Variants in GAS7 observed in about 807,000 individuals in gnomAD.
GAS7 encodes the protein growth arrest-specific protein 7.
GAS7 carries 28 observed loss-of-function variants against 71.1 expected under a neutral mutation model. That is an observed-to-expected ratio of 0.39 (90% CI 0.29 to 0.54). The LOEUF is 0.54. Ranked by LOEUF, GAS7 falls within the 20% of genes least tolerant of loss-of-function variation. GAS7 has a pLI of 0.62. For synonymous variants in GAS7, 258 were observed against 245.8 expected (o/e 1.05, Z -0.46); for missense variants, 436 against 627.8 (o/e 0.69, Z 3.27).
intron 1 of GAS7, among the ~76,000 whole-genome samples, chr17:10,139,963 T>C (rs1567607464): frequency 6.6e-6 from 1 of 152,174 alleles, no homozygotes; most frequent in East Asian, 1.9e-4. Context: ...ACCCACACTA[T>C]CAAAGTCAAA....
intron 1 of GAS7, among the ~76,000 whole-genome samples, chr17:10,087,405 T>G (rs1194417012): frequency 6.6e-6 from 1 of 152,176 alleles, no homozygotes; most frequent in African/African-American, 2.4e-5. Context: ...GTGTCCCAGG[T>G]GGACGATGAG....
intron 1 of GAS7, among the ~76,000 whole-genome samples, chr17:10,072,207 C>A (rs1259352450): frequency 1.3e-5 from 2 of 152,260 alleles, no homozygotes; most frequent in East Asian, 3.9e-4. Context: ...CCTGAGGAAG[C>A]ACCTCTACCT....
intron 4 of GAS7, among the ~76,000 whole-genome samples, chr17:9,965,976 C>T (rs148608459): frequency 0.012 from 1,799 of 151,256 alleles, 23 homozygotes; most frequent in East Asian, 0.032. Flanking sequence ...CCCCATCCCC[C>T]GACACCCACC....
intron 9 of GAS7, among the ~76,000 whole-genome samples, chr17:9,933,269 T>TA (rs1298352142): frequency 1.3e-5 from 2 of 151,996 alleles, no homozygotes; most frequent in East Asian, 1.9e-4. Context: ...ACCACAAATT[T>TA]AAAAAAAATT....
chr17:10,111,391 G>A (rs2073810956), intron 1 of GAS7, among the ~76,000 whole-genome samples: 1 of 151,994 alleles, frequency 6.6e-6, no homozygotes. Flanking sequence ...ATAATAGCCA[G>A]GCGTGGTGTC....
intron 1 of GAS7, among the ~76,000 whole-genome samples, chr17:10,165,734 G>C (rs2074289222): frequency 6.6e-6 from 1 of 152,060 alleles, no homozygotes; most frequent in Admixed American, 6.5e-5. Flanking sequence ...CCCTACTCCA[G>C]CCTCCCACCC....
chr17:9,922,913 T>G (rs909323521), intron 11 of GAS7, among the ~76,000 whole-genome samples: 1 of 152,190 alleles, frequency 6.6e-6, no homozygotes, highest in Non-Finnish European at 1.5e-5. Context: ...GTTTGTTTGT[T>G]TGTTTTGTTT....
At chr17:9,949,401 C>T (rs896969418) in intron 5 of GAS7, among the ~76,000 whole-genome samples, 2 of 152,174 alleles carry the variant, frequency 1.3e-5, no homozygotes, top group African/African-American at 4.8e-5. Context: ...ATAATAAACA[C>T]AATAACACCA....
chr17:10,198,340 G>A lies in GAS7; in HGVS notation c.51C>T (p.His17=), dbSNP rs752069937. 131 of 1,599,366 alleles carry A rather than the reference G, an allele frequency of 8.2e-5. No individual in the cohort carries two copies. Among genetic ancestry groups the A allele is most frequent in the Non-Finnish European group, 1.1e-4 (129 of 1,178,820 alleles). Reference sequence around the variant, plus strand: ...CCGCGGCGAAGCGCAGCCCCTGGCCGTGCCGCTCCCCGGAGAAGGGGTACA... The same window carrying A: ...CCGCGGCGAAGCGCAGCCCCTGGCCATGCCGCTCCCCGGAGAAGGGGTACA... ...RTLYPFSGER[H]GQGLRFAAGE... is the part of the protein sequence containing the mutation. Residue 17 remains histidine (H), a synonymous_variant, in exon 1 of 14, where the codon CAC becomes CAT. Transcript: ENST00000432992.
intron 7 of GAS7, among the ~76,000 whole-genome samples, chr17:9,941,694 G>A (rs2068608485): frequency 6.6e-6 from 1 of 152,244 alleles, no homozygotes; most frequent in African/African-American, 2.4e-5. Flanking sequence ...GCGTGTTCAA[G>A]CTTTGGCTTT....
intron 1 of GAS7, among the ~76,000 whole-genome samples, chr17:10,116,607 G>C (rs189761018): frequency 6.6e-6 from 1 of 152,148 alleles, no homozygotes; most frequent in Non-Finnish European, 1.5e-5. Context: ...TAGGGAGTGG[G>C]TCTGAAGTGG....
At chr17:10,010,709 C>T (rs888977547) in intron 2 of GAS7, among the ~76,000 whole-genome samples, 3 of 152,208 alleles carry the variant, frequency 2.0e-5, no homozygotes, top group African/African-American at 7.2e-5. Flanking sequence ...CGTTAGCCTA[C>T]AGTTGGGCAA....
rs2067437187 is a variant in GAS7, at chr17:9,911,564, G to A, written c.*5664C>T. The A allele has an allele frequency of 1.3e-5, 3 of 233,056 alleles. No homozygotes were observed. Among genetic ancestry groups the A allele is most frequent in the African/African-American group, 4.4e-5 (2 of 45,296 alleles). The allele number at this position is 233,056 out of a possible 1,614,324, so 14.4% of individuals were successfully genotyped here. ...CAGCATTTAGAACGTGGGGAGAAGC[G>A]AATTGGTTTTTGCCCTCTGTCTGAT... On this transcript the variant is annotated 3_prime_UTR_variant, in exon 14 of 14. Transcript: ENST00000432992. The surrounding 1 kb of genome is among the most constrained non-coding windows in gnomAD (Gnocchi z 4.0).
chr17:9,987,767 C>T (rs1403960219), intron 2 of GAS7, among the ~76,000 whole-genome samples: 1 of 152,230 alleles, frequency 6.6e-6, no homozygotes, highest in East Asian at 1.9e-4. Context: ...GTGAGCTAGG[C>T]GGAAGTTATT....
chr17:10,142,114 G>C (rs2074087367), intron 1 of GAS7, among the ~76,000 whole-genome samples: 1 of 151,826 alleles, frequency 6.6e-6, no homozygotes, highest in African/African-American at 2.4e-5. Flanking sequence ...TGTAGTCCCA[G>C]CTGAGGCAGG....
At chr17:10,007,095 C>A (rs932265787) in intron 2 of GAS7, among the ~76,000 whole-genome samples, 1 of 152,176 alleles carries the variant, frequency 6.6e-6, no homozygotes, top group Admixed American at 6.5e-5. Flanking sequence ...TTTGACTATG[C>A]CTCCACCATT....
rs564186860 is a variant in GAS7 at position 9,970,846 on chromosome 17, C to T, written c.386-1084G>A. Among the ~76,000 whole-genome samples the T allele has an allele frequency of 2.2e-3, 341 of 152,254 alleles. 3 individuals carry two copies. The highest frequency in any genetic ancestry group is 7.8e-3 in the African/African-American group (324 of 41,558). On this transcript the variant is annotated intron_variant, in intron 3 of 13. Coordinates refer to ENST00000432992, the MANE Select transcript of GAS7 (RefSeq NM_201433.2). ...CATGGACGGTTTCAAGCCCCAACGC[C>T]GCTACACGCACGCTCCTGACATCAC...
rs926228467 is a variant in GAS7 at position 9,910,650 on chromosome 17, T to C, written c.*6578A>G. On this transcript the variant is annotated 3_prime_UTR_variant, in exon 14 of 14. Coordinates refer to ENST00000432992, the MANE Select transcript of GAS7 (RefSeq NM_201433.2). ...TTTATAATAATGCAGGACAACTGTA[T>C]ATAGCAAACGCCTTCAAAATTTAAA... is the stretch of plus-strand genomic sequence containing the variant. 5.0e-6 allele frequency: 1 copy of C among 199,714 alleles called. No homozygotes were observed. The highest frequency in any genetic ancestry group is 2.3e-5 in the African/African-American group (1 of 43,320). 12.4% of individuals were successfully genotyped at this position (199,714 alleles called of 1,614,324 possible).
chr17:10,092,353 C>T (rs2073592452), intron 1 of GAS7, among the ~76,000 whole-genome samples: 1 of 152,162 alleles, frequency 6.6e-6, no homozygotes, highest in African/African-American at 2.4e-5. Flanking sequence ...CAGTTAGTGG[C>T]TTTTAGTGGT....
Sources: gnomAD v4.1 joint callset for allele counts (sites outside exome capture counted in the v4.1 genomes callset) on GRCh38, gnomAD v4.1.1 for gene constraint, Gnocchi (gnomAD v3.1) non-coding constraint, MANE v1.5 for transcripts, NCBI Gene and HGNC (gene_info 2026-07-23, HGNC 2026-07-21) for gene names.